The following CREBBP variants were observed in gnomAD, a reference collection of about 807,000 sequenced individuals.
CREBBP encodes the protein CREB-binding protein.
CREBBP carries 19 observed loss-of-function variants against 265.0 expected under a neutral mutation model. The observed-to-expected ratio is 0.07, with a 90% CI of 0.05 to 0.11. CREBBP has a LOEUF of 0.11. Among genes scored for constraint, CREBBP ranks in the 10% least tolerant of loss-of-function variants. CREBBP has a pLI of 1.00. For missense variants in CREBBP, 2,525 were observed against 3,219.0 expected, an observed-to-expected ratio of 0.78 and a Z score of 5.22; for synonymous variants, 1,457 against 1,223.7, an observed-to-expected ratio of 1.19 and a Z score of -3.98.
At chr16:3,871,325 G>T (rs1378679643) in intron 1 of CREBBP, among the ~76,000 whole-genome samples, 5 of 152,098 alleles carry the variant, frequency 3.3e-5, no homozygotes, top group African/African-American at 1.2e-4. Context: ...CTCTGAGCAG[G>T]AGCCAGGGCT....
chr16:3,856,681 T>C (rs1166021965), intron 1 of CREBBP, among the ~76,000 whole-genome samples: 1 of 152,216 alleles, frequency 6.6e-6, no homozygotes, highest in Non-Finnish European at 1.5e-5. Context: ...AAACTTCATC[T>C]AAACCAGGAA....
intron 2 of CREBBP, among the ~76,000 whole-genome samples, chr16:3,829,894 C>T (rs948318356): frequency 3.3e-5 from 5 of 152,024 alleles, no homozygotes; most frequent in African/African-American, 1.2e-4. Flanking sequence ...TTGGAATTTG[C>T]CTCTACAAGA....
At position 3,840,402 on chromosome 16, in the gene CREBBP, A is replaced by C. The variant is rs1597034970; in HGVS notation, c.798+9895T>G. 2.0e-5 allele frequency: 3 copies of C among 152,456 alleles called. No homozygotes were observed. In the East Asian group the frequency reaches 5.8e-4, roughly 29 times the overall value. The allele number at this position is 152,456 out of a possible 1,614,324, so 9.4% of individuals were successfully genotyped here. ...ATGTCTGCATTAAAAAGGAAAGAAA[A>C]AGATGGTTGGAGTTCGGGTTTTCAG... On this transcript the variant is annotated intron_variant, in intron 2 of 30. Transcript: ENST00000262367.
chr16:3,876,769 C>G (rs940974388), intron 1 of CREBBP, among the ~76,000 whole-genome samples: 2 of 152,154 alleles, frequency 1.3e-5, no homozygotes, highest in African/African-American at 4.8e-5. Flanking sequence ...TCTTGCTACC[C>G]TCATTCGCAG....
At position 3,769,298 on chromosome 16, in the gene CREBBP, G is replaced by C; in HGVS notation, c.2936C>G (p.Ala979Gly). The change falls in exon 15 of 31, where the codon GCC (alanine) becomes GGC (glycine). Residue 979 changes from alanine to glycine, a missense_variant. Physicochemically the swap from Ala to Gly is moderately conservative, Grantham distance 60. This residue lies in a region of CREBBP where 548 missense variants were observed against 533.0 expected (regional missense o/e 1.03). Transcript: ENST00000262367. ...DNRVPTPSSV[A>G]SAETNSQQPG... ...CTGCTGGGAATTGGTTTCTGCGCTG[G>C]CCACCGAGGAGGGGGTAGGGACTCT... The C allele has an allele frequency of 6.2e-7, 1 of 1,614,130 alleles. No homozygotes were observed. Among genetic ancestry groups the C allele is most frequent in the Non-Finnish European group, 8.5e-7 (1 of 1,180,022 alleles).
chr16:3,732,175 G>A (rs973542486), intron 28 of CREBBP, among the ~76,000 whole-genome samples: 4 of 152,214 alleles, frequency 2.6e-5, no homozygotes, highest in African/African-American at 9.6e-5. Flanking sequence ...GCCTCTAAAG[G>A]GGAAAAGAGA....
rs2052127893 is a variant in CREBBP, at chr16:3,738,592, A to C, written c.4361T>G (p.Leu1454Arg). 1 of 1,613,002 alleles carries C rather than the reference A, an allele frequency of 6.2e-7. No homozygotes were observed. The highest frequency in any genetic ancestry group is 1.3e-5 in the African/African-American group (1 of 74,902). Reference sequence around the variant, plus strand: ...CTTCACATACTCTAAATATCCAATAAGGATCTCATGGTAAACGGCTGTGCG... The same window carrying C: ...CTTCACATACTCTAAATATCCAATACGGATCTCATGGTAAACGGCTGTGCG... The part of the protein sequence containing the change: ...CLRTAVYHEI[L>R]IGYLEYVKKL... The change falls in exon 26 of 31, where the codon CTT becomes CGT. Residue 1454 changes from leucine to arginine, a missense_variant. By Grantham distance (102) the Leu-to-Arg change is moderately radical (BLOSUM62 -2). Transcript: ENST00000262367.
chr16:3,732,998 C>A (rs1567266872), intron 28 of CREBBP, among the ~76,000 whole-genome samples: 1 of 152,062 alleles, frequency 6.6e-6, no homozygotes, highest in South Asian at 2.1e-4. Flanking sequence ...CCGTGCCCAG[C>A]CAGAGAGTTT....
At chr16:3,813,240 T>C (rs1458932168) in intron 2 of CREBBP, among the ~76,000 whole-genome samples, 1 of 152,202 alleles carries the variant, frequency 6.6e-6, no homozygotes, top group Non-Finnish European at 1.5e-5. Flanking sequence ...TTTCTCACCT[T>C]TTGGAAAGCA....
intron 3 of CREBBP, among the ~76,000 whole-genome samples, chr16:3,809,366 CG>C (rs1285236740): frequency 6.6e-6 from 1 of 151,878 alleles, no homozygotes; most frequent in East Asian, 1.9e-4. Context: ...TTAGCAGAGA[CG>C]GGGTTTCATC....
intron 3 of CREBBP, among the ~76,000 whole-genome samples, chr16:3,799,503 C>T (rs1373561629): frequency 6.6e-6 from 1 of 152,134 alleles, no homozygotes; most frequent in East Asian, 1.9e-4. Flanking sequence ...TGGAAAGCAA[C>T]ATGTATCAAA....
rs1473105055 is a variant in CREBBP at position 3,770,784 on chromosome 16, G to A, written c.2666C>T (p.Ser889Leu). 3 of 1,614,012 alleles carry A rather than the reference G, an allele frequency of 1.9e-6. No individual in the cohort carries two copies. The highest frequency in any genetic ancestry group is 2.5e-6 in the Non-Finnish European group (3 of 1,180,038). The change falls in exon 14 of 31, where the codon TCA (serine) becomes TTA (leucine). Residue 889 changes from serine (S) to leucine (L), a missense_variant. By Grantham distance (145) the Ser-to-Leu change is moderately radical (BLOSUM62 -2). Coordinates refer to ENST00000262367, the MANE Select transcript of CREBBP (RefSeq NM_004380.3). ...CTGCCCGGAAGACGACACAGGAGTT[G>A]ATGGCTGAGTGGGAGCTGCTGGCTG... ...PPQPAAPTQPSTPVSSSGQTP... is the reference protein window; with the variant it reads ...PPQPAAPTQPLTPVSSSGQTP...
intron 1 of CREBBP, among the ~76,000 whole-genome samples, chr16:3,853,179 G>A (rs1353115359): frequency 6.6e-6 from 1 of 152,148 alleles, no homozygotes; most frequent in Non-Finnish European, 1.5e-5. Context: ...TCATAACGCT[G>A]TTGTGAGGAC....
chr16:3,734,231 G>A (rs982667946), intron 28 of CREBBP, among the ~76,000 whole-genome samples: 1 of 152,114 alleles, frequency 6.6e-6, no homozygotes, highest in Non-Finnish European at 1.5e-5. Context: ...TAGCAAAGCA[G>A]TGCTCCACCC....
rs769818976 is a variant in CREBBP, at chr16:3,729,126, C to T, written c.5921G>A (p.Arg1974Gln). The T allele has an allele frequency of 1.1e-5, 17 of 1,560,336 alleles. No homozygotes were observed. Among genetic ancestry groups the T allele is most frequent in the South Asian group, 3.4e-5 (3 of 87,202 alleles). Residue 1974 changes from arginine (R) to glutamine (Q), a missense_variant, in exon 31 of 31, where the codon CGG (arginine) becomes CAG (glutamine). By Grantham distance (43) the Arg-to-Gln change is conservative. Around this residue, in one of 19 missense-constraint regions of CREBBP, gnomAD observed 275 missense variants for 276.5 expected, o/e 0.99. Coordinates refer to ENST00000262367, the MANE Select transcript of CREBBP (RefSeq NM_004380.3). ...GGGCATGCTGTTGTTGATGTTCACC[C>T]GGTACAGGTGCTGCTGCTGCTGGGC... ...REAQQQQHLY[R>Q]VNINNSMPPG...
Position 3,728,110 on chromosome 16 carries a change from G to A in CREBBP, c.6937C>T (p.Pro2313Ser), listed in dbSNP as rs1798875128. ...AGCATGTGTTGCTGGGGGCTCATGG[G>A]GTTCGGCTGGCCTGGGGACCCAATC... ...QQIGSPGQPN[P>S]MSPQQHMLSG... Residue 2313 changes from proline to serine, a missense_variant, in exon 31 of 31, where the codon CCC becomes TCC. Pro to Ser is a moderately conservative substitution (Grantham distance 74). Transcript: ENST00000262367. The surrounding 1 kb of genome is among the most constrained non-coding windows in gnomAD (Gnocchi z 8.7). 2 of 1,614,166 alleles carry A rather than the reference G, an allele frequency of 1.2e-6. No individual in the cohort carries two copies. Among genetic ancestry groups the A allele is most frequent in the Non-Finnish European group, 1.7e-6 (2 of 1,180,030 alleles).
At chr16:3,852,160 T>C (rs1192604189) in intron 1 of CREBBP, among the ~76,000 whole-genome samples, 2 of 92,578 alleles carry the variant, frequency 2.2e-5, no homozygotes, top group Non-Finnish European at 4.5e-5. Context: ...TAAATTTGTT[T>C]TTTTTTTTTT....
At chr16:3,855,753 G>A (rs2054948033) in intron 1 of CREBBP, among the ~76,000 whole-genome samples, 1 of 152,076 alleles carries the variant, frequency 6.6e-6, no homozygotes, top group African/African-American at 2.4e-5. Context: ...GCTTCTGAGG[G>A]TTCCAATCCA....
At chr16:3,861,302 C>G (rs2055068023) in intron 1 of CREBBP, among the ~76,000 whole-genome samples, 2 of 152,180 alleles carry the variant, frequency 1.3e-5, no homozygotes, top group Admixed American at 1.3e-4. Context: ...AAATAAAGGA[C>G]AGTAGCACCT....
Sources: allele counts gnomAD v4.1 joint callset (sites outside exome capture counted in the v4.1 genomes callset), GRCh38; gene constraint gnomAD v4.1.1; regional missense constraint gnomAD v4.1.1; non-coding constraint Gnocchi (gnomAD v3.1); transcripts MANE v1.5; gene names NCBI Gene and HGNC (gene_info 2026-07-23, HGNC 2026-07-21).